TP53I3: variants seen among roughly 807,000 people sequenced by gnomAD.
The protein encoded by TP53I3 is quinone oxidoreductase PIG3.
A neutral mutation model predicts 27.7 loss-of-function variants in TP53I3; 32 were observed. That is an observed-to-expected ratio of 1.16 (90% CI 0.87 to 1.55). The LOEUF is 1.55. TP53I3 is among the 40% of genes most tolerant of loss of function. The pLI is 0.00. For synonymous variants in TP53I3, 138 were observed against 167.8 expected (o/e 0.82, Z 1.37); for missense variants, 372 against 412.3 (o/e 0.90, Z 0.85).
At position 24,079,579 on chromosome 2, in the gene TP53I3, G is replaced by A. The variant is rs1306572867; in HGVS notation, c.681C>T (p.Asn227=). 1 of 1,614,044 alleles carries A rather than the reference G, an allele frequency of 6.2e-7. No homozygotes were observed. Among genetic ancestry groups the A allele is most frequent in the Non-Finnish European group, 8.5e-7 (1 of 1,180,056 alleles). ...IGGSYWEKNV[N]CLALDGRWVL... is the part of the protein sequence containing the mutation. Reference sequence around the variant, plus strand: ...CCCATCGACCATCAAGAGCCAGGCAGTTGACGTTCTTCTCCCAGTAGGATC... The same window carrying A: ...CCCATCGACCATCAAGAGCCAGGCAATTGACGTTCTTCTCCCAGTAGGATC... Residue 227 remains asparagine, a synonymous_variant, in exon 4 of 5, where the codon AAC becomes AAT. Transcript: ENST00000238721.
chr2:24,080,760 T>C lies in TP53I3; in HGVS notation c.619+59A>G. On this transcript the variant is annotated intron_variant, in intron 3 of 4. Coordinates refer to ENST00000238721, the MANE Select transcript of TP53I3 (RefSeq NM_004881.5). The surrounding 1 kb of genome is among the most constrained non-coding windows in gnomAD (Gnocchi z 4.7). Reference sequence around the variant, plus strand: ...ACAGCACTGGCAACTTTGAGACTGGTGGGGCTTTTATTTAATCATCTCTTA... The same window carrying C: ...ACAGCACTGGCAACTTTGAGACTGGCGGGGCTTTTATTTAATCATCTCTTA... The C allele has an allele frequency of 1.2e-6, 2 of 1,605,016 alleles. No individual in the cohort carries two copies. Among genetic ancestry groups the C allele is most frequent in the Non-Finnish European group, 1.7e-6 (2 of 1,173,082 alleles).
Position 24,084,105 on chromosome 2 carries a change from C to T in TP53I3, c.138+84G>A. 1.3e-6 allele frequency: 2 copies of T among 1,507,122 alleles called. No homozygotes were observed. Among genetic ancestry groups the T allele is most frequent in the Non-Finnish European group, 1.8e-6 (2 of 1,131,276 alleles). The allele number at this position is 1,507,122 out of a possible 1,614,324, so 93.4% of individuals were successfully genotyped here. On this transcript the variant is annotated intron_variant, in intron 1 of 4. Transcript: ENST00000238721. The surrounding 1 kb of genome is among the most constrained non-coding windows in gnomAD (Gnocchi z 8.4). Reference sequence around the variant, plus strand: ...CTGGGTGTGGAGCGGTGCACGCCTTCACGTCTGGTCAATGTCCACTGAGTG... The same window carrying T: ...CTGGGTGTGGAGCGGTGCACGCCTTTACGTCTGGTCAATGTCCACTGAGTG...
At chr2:24,079,378 G>A in intron 4 of TP53I3, 66 bp downstream of exon 4, 1 of 1,537,880 alleles carries the variant, frequency 6.5e-7, no homozygotes, top group African/African-American at 1.4e-5. Flanking sequence ...TCCTTTCTCG[G>A]GGTAATGTAA....
chr2:24,079,145 C>T (rs1471906384), intron 4 of TP53I3: 2 of 286,704 alleles, frequency 7.0e-6, no homozygotes, highest in East Asian at 1.3e-4. Flanking sequence ...CCTTTGAAAA[C>T]AAAGTCTTGG....
rs1168697630 is a variant in TP53I3 at position 24,082,886 on chromosome 2, C to T, written c.405G>A (p.Val135=). ...GAGTGAGCATGGAGGCCTCCTCACC[C>T]ACAAGATGTAACAGCTGGAAGGCGG... is the stretch of plus-strand genomic sequence containing the variant. ...WLTAFQLLHL[V]GNVQAGDYVL... Residue 135 remains valine, a splice_region_variant and synonymous_variant, in exon 2 of 5, where the codon GTG becomes GTA. Transcript: ENST00000238721. 6.2e-7 allele frequency: 1 copy of T among 1,602,572 alleles called. No individual in the cohort carries two copies. Among genetic ancestry groups the T allele is most frequent in the East Asian group, 2.2e-5 (1 of 44,634 alleles).
chr2:24,077,521 TC>T lies in TP53I3; in HGVS notation c.*57del. ...CTTGGCCTGTCTATTGTGAATCTTC[TC>T]CAGGTTTGCTCTGGAAAGGCCTGGG... On this transcript the variant is annotated 3_prime_UTR_variant, in exon 5 of 5. Transcript: ENST00000238721. The surrounding 1 kb of genome is among the most constrained non-coding windows in gnomAD (Gnocchi z 5.5). 2 of 1,536,996 alleles carry T rather than the reference TC, an allele frequency of 1.3e-6. No homozygotes were observed. The highest frequency in any genetic ancestry group is 1.2e-5 in the South Asian group (1 of 81,882).
chr2:24,079,724 A>G, intron 3 of TP53I3, 84 bp from the exon 4 acceptor site: 1 of 1,310,098 alleles, frequency 7.6e-7, no homozygotes, highest in Non-Finnish European at 1.1e-6. Flanking sequence ...ATGGATATAA[A>G]TACAGATGCA....
At position 24,084,811 on chromosome 2, in the gene TP53I3, C is replaced by A. The variant is rs1048025; in HGVS notation, c.-485G>T. On this transcript the variant is annotated 5_prime_UTR_variant, in exon 1 of 5. Coordinates refer to ENST00000238721, the MANE Select transcript of TP53I3 (RefSeq NM_004881.5). This position sits in a 1 kb window ranked among gnomAD's most constrained non-coding sequence, Gnocchi z 8.4. Reference sequence around the variant, plus strand: ...GCGGGTCCCGGTGACAAAGCCCGAGCCCCAGAGCCCCAGGACTGCCTCTGC... The same window carrying A: ...GCGGGTCCCGGTGACAAAGCCCGAGACCCAGAGCCCCAGGACTGCCTCTGC... 3,126 of 153,548 alleles carry A rather than the reference C, an allele frequency of 0.02. 35 individuals carry two copies. Among genetic ancestry groups the A allele is most frequent in the South Asian group, 0.045 (222 of 4,918 alleles). 9.5% of individuals were successfully genotyped at this position (153,548 alleles called of 1,614,324 possible).
At chr2:24,083,276 T>G (rs1465620040) in intron 1 of TP53I3, 124 bp from the exon 2 acceptor site, 8 of 1,291,762 alleles carry the variant, frequency 6.2e-6, no homozygotes, top group Non-Finnish European at 8.5e-6. Flanking sequence ...TGAAGTCAGG[T>G]TTTTGTAAGT....
chr2:24,083,212 C>T, intron 1 of TP53I3, 60 bp from the exon 2 acceptor site: 1 of 1,489,502 alleles, frequency 6.7e-7, no homozygotes, highest in Non-Finnish European at 8.9e-7. Flanking sequence ...TGTCACTACC[C>T]CTGGCCCCCC....
rs770325453 is a variant in TP53I3 at position 24,080,855 on chromosome 2, C to CT, written c.582dup (p.Glu195ArgfsTer5). On this transcript the variant is annotated frameshift_variant, in exon 3 of 5. Coordinates refer to ENST00000238721, the MANE Select transcript of TP53I3 (RefSeq NM_004881.5). LOFTEE classifies it high-confidence loss of function. The surrounding 1 kb of genome is among the most constrained non-coding windows in gnomAD (Gnocchi z 4.7). ...TTCAGCGTTGCTTCAGAGAAATCCT[C>CT]TTTTTTGTAATTGAATCCAGCAGCT... is the stretch of plus-strand genomic sequence containing the variant. The CT allele has an allele frequency of 6.2e-7, 1 of 1,614,232 alleles. No homozygotes were observed. The highest frequency in any genetic ancestry group is 2.2e-5 in the East Asian group (1 of 44,890).
In TP53I3 at chr2:24,084,185, G is replaced by A; in HGVS notation, c.138+4C>T. The A allele has an allele frequency of 6.2e-7, 1 of 1,610,250 alleles. No individual in the cohort carries two copies. The highest frequency in any genetic ancestry group is 8.5e-7 in the Non-Finnish European group (1 of 1,178,812). On this transcript the variant is annotated splice_donor_region_variant and intron_variant, in intron 1 of 4. Coordinates refer to ENST00000238721, the MANE Select transcript of TP53I3 (RefSeq NM_004881.5). The surrounding 1 kb of genome is among the most constrained non-coding windows in gnomAD (Gnocchi z 8.4). ...CCGCCCCGGCGCGGCTGAGCCCTGG[G>A]TACCTGCATTAAGTCCGCCCGGTTC...
chr2:24,080,021 T>C lies in TP53I3; in HGVS notation c.620-381A>G, dbSNP rs138076529. ...TGTCCGCACTAGGTTATTGGAATCA[T>C]AGGCTTTCTAGCTTTGGTTTCATCT... On this transcript the variant is annotated intron_variant, in intron 3 of 4. Transcript: ENST00000238721. The surrounding 1 kb of genome is among the most constrained non-coding windows in gnomAD (Gnocchi z 4.7). 2.6e-5 allele frequency among the ~76,000 whole-genome samples: 4 copies of C among 152,298 alleles called. No individual in the cohort carries two copies. Among genetic ancestry groups the C allele is most frequent in the Non-Finnish European group, 5.9e-5 (4 of 68,014 alleles).
At position 24,077,950 on chromosome 2, in the gene TP53I3, C is replaced by G. The variant is rs190083804; in HGVS notation, c.817-189G>C. 6.6e-6 allele frequency among the ~76,000 whole-genome samples: 1 copy of G among 152,240 alleles called. No individual in the cohort carries two copies. The highest frequency in any genetic ancestry group is 2.4e-5 in the African/African-American group (1 of 41,522). On this transcript the variant is annotated intron_variant, in intron 4 of 4. Coordinates refer to ENST00000238721, the MANE Select transcript of TP53I3 (RefSeq NM_004881.5). This position sits in a 1 kb window ranked among gnomAD's most constrained non-coding sequence, Gnocchi z 5.5. ...AGTCATGTGCCATCTCAGAATATGT[C>G]CGATAGGTATATTGTTAATTTTGAG...
chr2:24,084,704 T>G lies in TP53I3; in HGVS notation c.-378A>C. 5.8e-6 allele frequency: 1 copy of G among 173,752 alleles called. No homozygotes were observed. The allele number at this position is 173,752 out of a possible 1,614,324, so 10.8% of individuals were successfully genotyped here. ...TTGGAAGCCCCCAGCCCGACCCGGG[T>G]CCCCGGCGCCCGTATGAGTTACTTA... On this transcript the variant is annotated 5_prime_UTR_variant, in exon 1 of 5. Transcript: ENST00000238721. The surrounding 1 kb of genome is among the most constrained non-coding windows in gnomAD (Gnocchi z 8.4).
At chr2:24,083,231 T>G (rs1665096339) in intron 1 of TP53I3, 79 bp from the exon 2 acceptor site, 1 of 1,459,324 alleles carries the variant, frequency 6.9e-7, no homozygotes, top group Non-Finnish European at 9.1e-7. Flanking sequence ...CCTTCCAAGA[T>G]CCCCTCTTTT....
chr2:24,078,673 T>C (rs745359796), intron 4 of TP53I3, among the ~76,000 whole-genome samples: 18 of 152,038 alleles, frequency 1.2e-4, no homozygotes, highest in Non-Finnish European at 2.4e-4. Flanking sequence ...TGGAGTAAAA[T>C]GTTAGTGTCA....
chr2:24,079,225 G>T, intron 4 of TP53I3: 1 of 548,768 alleles, frequency 1.8e-6, no homozygotes. Flanking sequence ...GATAACCTGT[G>T]AAGTATCAGC....
chr2:24,079,981 A>G (rs1664928658), intron 3 of TP53I3, among the ~76,000 whole-genome samples: 1 of 152,208 alleles, frequency 6.6e-6, no homozygotes, highest in Non-Finnish European at 1.5e-5. Context: ...AGTTGTTCAC[A>G]TAGAAGTTAG....
Sources: gnomAD v4.1 joint callset for allele counts (sites outside exome capture counted in the v4.1 genomes callset) on GRCh38, gnomAD v4.1.1 for gene constraint, Gnocchi (gnomAD v3.1) non-coding constraint, MANE v1.5 for transcripts, NCBI Gene and HGNC (gene_info 2026-07-23, HGNC 2026-07-21) for gene names.